The following FRMD4B variants were observed in gnomAD, a reference collection of about 807,000 sequenced individuals.
The protein encoded by FRMD4B is FERM domain-containing protein 4B.
A neutral mutation model predicts 141.5 loss-of-function variants in FRMD4B; 74 were observed. That is an observed-to-expected ratio of 0.52 (90% CI 0.43 to 0.63). The LOEUF is 0.63. Ranked by LOEUF, FRMD4B falls within the 30% of genes least tolerant of loss-of-function variation. FRMD4B has a pLI of 0.00. For missense variants in FRMD4B, 1,366 were observed against 1,253.4 expected (o/e 1.09, Z -1.36); for synonymous variants, 506 against 467.9 (o/e 1.08, Z -1.05).
intron 17 of FRMD4B, among the ~76,000 whole-genome samples, chr3:69,190,455 C>T (rs1418271998): frequency 6.6e-6 from 1 of 151,594 alleles, no homozygotes; most frequent in East Asian, 1.9e-4. Flanking sequence ...CATTCTGTTG[C>T]CCAGGCTGGA....
intron 11 of FRMD4B, among the ~76,000 whole-genome samples, chr3:69,204,492 G>T (rs564157870): frequency 6.6e-6 from 1 of 152,102 alleles, no homozygotes; most frequent in Non-Finnish European, 1.5e-5. Context: ...TGACTCACAC[G>T]GTGGGGGATC....
chr3:69,212,097 G>A lies in FRMD4B; in HGVS notation c.876+4166C>T, dbSNP rs146710286. ...ACATGGGCCGGGCATGGTGGCTCAC[G>A]CCTGTATTCCCAGCACTTTGGGAGG... On this transcript the variant is annotated intron_variant, in intron 11 of 22. Transcript: ENST00000398540. Among the ~76,000 whole-genome samples, 698 of 151,190 alleles carry A rather than the reference G, an allele frequency of 4.6e-3. 16 individuals carry two copies. The East Asian group carries it at 0.062, about 13-fold the overall frequency.
In FRMD4B at chr3:69,168,868, T is replaced by C. The variant is rs144329951; in HGVS notation, c.*2993A>G. Reference sequence around the variant, plus strand: ...GAATTTTGAAAATTTTTGTCAAATATAGAAAAATAGATAAACATCTAGTAG... The same window carrying C: ...GAATTTTGAAAATTTTTGTCAAATACAGAAAAATAGATAAACATCTAGTAG... On this transcript the variant is annotated 3_prime_UTR_variant, in exon 23 of 23. Transcript: ENST00000398540. Among the ~76,000 whole-genome samples the C allele has an allele frequency of 2.5e-4, 38 of 152,298 alleles. 1 individual carries two copies. The East Asian group carries it at 7.1e-3, about 29-fold the overall frequency.
At chr3:69,501,731 A>G (rs1380077809) in intron 1 of FRMD4B, among the ~76,000 whole-genome samples, 1 of 152,140 alleles carries the variant, frequency 6.6e-6, no homozygotes, top group Non-Finnish European at 1.5e-5. Context: ...GGAAAAGAGG[A>G]AGTCAAATTG....
intron 2 of FRMD4B, among the ~76,000 whole-genome samples, chr3:69,392,318 G>C (rs917366222): frequency 6.6e-6 from 1 of 152,120 alleles, no homozygotes; most frequent in Non-Finnish European, 1.5e-5. Context: ...AGTGAGGATG[G>C]GGGGATTAAG....
chr3:69,325,085 A>AAGGAAAGAAAGAAAGAAAGAAAG (rs1553724229), intron 1 of FRMD4B, among the ~76,000 whole-genome samples: 2 of 80,006 alleles, frequency 2.5e-5, no homozygotes, highest in East Asian at 6.2e-4. Flanking sequence ...TAAAAAAAAA[A>AAGGAAAGAAAGAAAGAAAGAAAG]AAAGAAAGAA....
intron 2 of FRMD4B, among the ~76,000 whole-genome samples, chr3:69,412,791 T>C (rs1020035761): frequency 1.3e-5 from 2 of 149,734 alleles, no homozygotes; most frequent in Non-Finnish European, 3.0e-5. Context: ...TCTGAGTGGA[T>C]GAATGGGCAG....
rs189030380 is a variant in FRMD4B at position 69,503,339 on chromosome 3, G to A, written c.-129+38867C>T. Among the ~76,000 whole-genome samples, 5 of 152,122 alleles carry A rather than the reference G, an allele frequency of 3.3e-5. No individual in the cohort carries two copies. In the East Asian group the frequency reaches 7.7e-4, roughly 24 times the overall value. ...AGAAAATGTGGCACATATATACCAT[G>A]GAATACTATGCAGCCATAAAGAAGG... On this transcript the variant is annotated intron_variant, in intron 1 of 5. Coordinates refer to the FRMD4B transcript ENST00000459638.
chr3:69,480,928 C>T (rs962396415), intron 1 of FRMD4B, among the ~76,000 whole-genome samples: 1 of 152,218 alleles, frequency 6.6e-6, no homozygotes, highest in Non-Finnish European at 1.5e-5. Flanking sequence ...GCGCCCCTCC[C>T]CCAGCCTCTC....
chr3:69,509,936 T>C (rs1259191503), intron 1 of FRMD4B, among the ~76,000 whole-genome samples: 1 of 151,598 alleles, frequency 6.6e-6, no homozygotes, highest in Non-Finnish European at 1.5e-5. Flanking sequence ...ATAAAAGTTC[T>C]GTTTACACTC....
chr3:69,207,307 T>TAAAAAA (rs11389016), intron 11 of FRMD4B, among the ~76,000 whole-genome samples: 1 of 136,902 alleles, frequency 7.3e-6, no homozygotes, highest in African/African-American at 2.7e-5. Context: ...CCTATGTCTT[T>TAAAAAA]AAAAAAAAAA....
At chr3:69,402,956 G>T (rs1235766856) in intron 2 of FRMD4B, among the ~76,000 whole-genome samples, 1 of 152,150 alleles carries the variant, frequency 6.6e-6, no homozygotes, top group Non-Finnish European at 1.5e-5. Context: ...TCTGTATTAT[G>T]GTATTAATCA....
At chr3:69,310,421 A>C (rs1056748872) in intron 3 of FRMD4B, 1 of 456,304 alleles carries the variant, frequency 2.2e-6, no homozygotes, top group Admixed American at 2.3e-5. Context: ...ATCTTCTTGC[A>C]TTTTAACATT....
chr3:69,349,286 A>G lies in FRMD4B; in HGVS notation c.163-35769T>C, dbSNP rs1440803174. ...TACAAGGGATGTGAAAGACCTCTTC[A>G]AGGAGAACTACAAACCACTGCTCAA... On this transcript the variant is annotated intron_variant, in intron 1 of 22. Transcript: ENST00000398540. Among the ~76,000 whole-genome samples the G allele has an allele frequency of 2.0e-5, 3 of 152,240 alleles. No homozygotes were observed. The South Asian group carries it at 6.2e-4, about 31-fold the overall frequency.
At chr3:69,231,316 G>A (rs148542684) in intron 7 of FRMD4B, among the ~76,000 whole-genome samples, 2 of 151,858 alleles carry the variant, frequency 1.3e-5, no homozygotes, top group African/African-American at 4.8e-5. Flanking sequence ...TTTTTTCTCC[G>A]AGACTCTGTC....
intron 1 of FRMD4B, among the ~76,000 whole-genome samples, chr3:69,373,497 TA>T (rs1225363661): frequency 6.6e-6 from 1 of 152,226 alleles, no homozygotes; most frequent in Non-Finnish European, 1.5e-5. Flanking sequence ...TATACCTATT[TA>T]ACATCATTAG....
chr3:69,276,682 G>A (rs1056666151), intron 5 of FRMD4B, among the ~76,000 whole-genome samples: 1 of 152,122 alleles, frequency 6.6e-6, no homozygotes, highest in African/African-American at 2.4e-5. Context: ...TCCAGGGATC[G>A]GGCTGGACAC....
intron 5 of FRMD4B, among the ~76,000 whole-genome samples, chr3:69,268,511 C>G (rs1195996674): frequency 6.6e-6 from 1 of 152,006 alleles, no homozygotes; most frequent in South Asian, 2.1e-4. Context: ...ATTCTAATTG[C>G]TTAAACGCAC....
At position 69,182,607 on chromosome 3, in the gene FRMD4B, C is replaced by A; in HGVS notation, c.2030G>T (p.Ser677Ile). 1 of 1,609,216 alleles carries A rather than the reference C, an allele frequency of 6.2e-7. No homozygotes were observed. The highest frequency in any genetic ancestry group is 1.1e-5 in the South Asian group (1 of 90,532). ...AAAGAAGCTCTCTTACTCCAAGTGG[C>A]TGCTGCTGTAGGCGTTTCGGGTAAG... ...PVLTRNAYSS[S>I]HLEPESSSQH... Residue 677 changes from serine (S) to isoleucine (I), a missense_variant, in exon 20 of 23, where the codon AGC (serine) becomes ATC (isoleucine). Coordinates refer to ENST00000398540, the MANE Select transcript of FRMD4B (RefSeq NM_015123.3).
Sources: allele counts gnomAD v4.1 joint callset (sites outside exome capture counted in the v4.1 genomes callset), GRCh38; gene constraint gnomAD v4.1.1; transcripts MANE v1.5; gene names NCBI Gene and HGNC (gene_info 2026-07-23, HGNC 2026-07-21).